OPCML: variants seen among roughly 807,000 people sequenced by gnomAD.
OPCML encodes the protein opioid binding protein/cell adhesion molecule like.
OPCML carries 13 observed loss-of-function variants against 37.8 expected under a neutral mutation model. The ratio of observed to expected loss-of-function variants is 0.34; its 90% CI spans 0.22 to 0.55. The LOEUF is 0.55. Ranked by LOEUF, OPCML falls within the 20% of genes least tolerant of loss-of-function variation. OPCML has a pLI of 0.91. For missense variants in OPCML, 341 were observed against 435.6 expected (o/e 0.78, Z 1.93); for synonymous variants, 176 against 168.8 (o/e 1.04, Z -0.33).
chr11:132,496,618 C>T (rs1012111599), intron 4 of OPCML, among the ~76,000 whole-genome samples: 3 of 152,148 alleles, frequency 2.0e-5, no homozygotes, highest in Non-Finnish European at 4.4e-5. Context: ...TCTGACAGAG[C>T]TCTCATCACT....
intron 3 of OPCML, among the ~76,000 whole-genome samples, chr11:132,596,685 A>G (rs560814740): frequency 2.6e-5 from 4 of 152,178 alleles, no homozygotes; most frequent in Non-Finnish European, 5.9e-5. Flanking sequence ...CCTAAACTGA[A>G]CAGGGCTCCT....
chr11:132,431,120 G>A (rs936867010), intron 7 of OPCML, among the ~76,000 whole-genome samples: 8 of 152,162 alleles, frequency 5.3e-5, no homozygotes, highest in East Asian at 1.9e-4. Context: ...TAAAGCTAAC[G>A]AATGCTTAGA....
chr11:133,377,245 G>C (rs149034995), intron 1 of OPCML, among the ~76,000 whole-genome samples: 1,777 of 152,282 alleles, frequency 0.012, 33 homozygotes, highest in Admixed American at 0.053. Context: ...GCAGCCATTC[G>C]CTCTGCGTGG....
At position 132,514,174 on chromosome 11, in the gene OPCML, T is replaced by C. The variant is rs189734281; in HGVS notation, c.505+14887A>G. Among the ~76,000 whole-genome samples the C allele has an allele frequency of 2.0e-5, 3 of 152,330 alleles. No homozygotes were observed. In the East Asian group the frequency reaches 5.8e-4, roughly 29 times the overall value. On this transcript the variant is annotated intron_variant, in intron 4 of 7. Coordinates refer to ENST00000524381, the MANE Select transcript of OPCML (RefSeq NM_001012393.5). Reference sequence around the variant, plus strand: ...TTTGAAAACCAAGATTAAGTCAAAGTGGCATGTCAATAAATTTAAAGGATG... The same window carrying C: ...TTTGAAAACCAAGATTAAGTCAAAGCGGCATGTCAATAAATTTAAAGGATG...
At chr11:133,123,549 G>A (rs929873175) in intron 1 of OPCML, among the ~76,000 whole-genome samples, 11 of 152,234 alleles carry the variant, frequency 7.2e-5, no homozygotes, top group African/African-American at 2.2e-4. Flanking sequence ...TATTCTGGAC[G>A]GGTTCCCCAC....
intron 1 of OPCML, among the ~76,000 whole-genome samples, chr11:133,218,504 A>G (rs481066): frequency 0.32 from 48,351 of 152,094 alleles, 8,283 homozygotes; most frequent in African/African-American, 0.41. Context: ...TGAGGTATGT[A>G]CAAGAATTTG....
chr11:132,720,675 G>A (rs936646149), intron 2 of OPCML, among the ~76,000 whole-genome samples: 7 of 152,280 alleles, frequency 4.6e-5, no homozygotes, highest in South Asian at 2.1e-4. Context: ...ATTTCTAAAT[G>A]TCTATTTTAT....
At chr11:133,078,539 T>G (rs550198622) in intron 1 of OPCML, among the ~76,000 whole-genome samples, 1 of 152,248 alleles carries the variant, frequency 6.6e-6, no homozygotes, top group East Asian at 1.9e-4. Flanking sequence ...AATAATAATA[T>G]AAAAGGCAAC....
chr11:132,578,551 A>G (rs77854392), intron 3 of OPCML, among the ~76,000 whole-genome samples: 2 of 152,192 alleles, frequency 1.3e-5, no homozygotes, highest in Non-Finnish European at 2.9e-5. Flanking sequence ...TGACAGTTCC[A>G]AAGCCTTGGT....
intron 1 of OPCML, among the ~76,000 whole-genome samples, chr11:132,951,477 C>A (rs1199493112): frequency 6.6e-6 from 1 of 152,202 alleles, no homozygotes; most frequent in Non-Finnish European, 1.5e-5. Context: ...ACTTTAATCA[C>A]CTCCTAAAAG....
At chr11:132,695,589 A>T (rs1400797404) in intron 2 of OPCML, among the ~76,000 whole-genome samples, 1 of 152,206 alleles carries the variant, frequency 6.6e-6, no homozygotes, top group African/African-American at 2.4e-5. Flanking sequence ...GATACATAGA[A>T]AAACAAGCTT....
chr11:132,951,270 A>C (rs1945854205), intron 1 of OPCML, among the ~76,000 whole-genome samples: 1 of 152,158 alleles, frequency 6.6e-6, no homozygotes, highest in African/African-American at 2.4e-5. Context: ...GCCTCACAGG[A>C]ATCGGTTTTC....
At chr11:132,604,876 T>A (rs1938171700) in intron 3 of OPCML, among the ~76,000 whole-genome samples, 1 of 152,162 alleles carries the variant, frequency 6.6e-6, no homozygotes, top group Admixed American at 6.5e-5. Context: ...GACCAAAATG[T>A]AAGCATACAA....
intron 2 of OPCML, among the ~76,000 whole-genome samples, chr11:132,742,785 A>G (rs1003015214): frequency 6.7e-6 from 1 of 149,080 alleles, no homozygotes; most frequent in Admixed American, 6.7e-5. Flanking sequence ...TACAAGTATT[A>G]TATATAATGT....
chr11:132,914,983 C>T (rs1030212474), intron 2 of OPCML, among the ~76,000 whole-genome samples: 2 of 152,218 alleles, frequency 1.3e-5, no homozygotes, highest in Admixed American at 1.3e-4. Flanking sequence ...GGTCTGACAA[C>T]CTTGCGGCCT....
At chr11:132,592,573 G>A (rs2096486239) in intron 3 of OPCML, among the ~76,000 whole-genome samples, 1 of 152,180 alleles carries the variant, frequency 6.6e-6, no homozygotes, top group African/African-American at 2.4e-5. Flanking sequence ...GTGGGTGACG[G>A]GGTCCTCCAG....
chr11:133,386,355 C>T (rs947029641), intron 1 of OPCML, among the ~76,000 whole-genome samples: 3 of 152,182 alleles, frequency 2.0e-5, no homozygotes, highest in Non-Finnish European at 4.4e-5. Context: ...AATCCACTTC[C>T]TCTTTCAAGA....
intron 3 of OPCML, among the ~76,000 whole-genome samples, chr11:132,608,614 A>G (rs1252048987): frequency 1.3e-5 from 2 of 152,192 alleles, no homozygotes; most frequent in Non-Finnish European, 2.9e-5. Context: ...TTAATAAAAA[A>G]TGATTATGTC....
intron 3 of OPCML, among the ~76,000 whole-genome samples, chr11:132,563,661 C>T (rs545422695): frequency 6.6e-6 from 1 of 152,210 alleles, no homozygotes; most frequent in South Asian, 2.1e-4. Flanking sequence ...CATAATTAGA[C>T]TCACTTGACT....
Sources: gnomAD v4.1 joint callset for allele counts (sites outside exome capture counted in the v4.1 genomes callset) on GRCh38, gnomAD v4.1.1 for gene constraint, MANE v1.5 for transcripts, NCBI Gene and HGNC (gene_info 2026-07-23, HGNC 2026-07-21) for gene names.